Variants in PCDHA2 observed in about 807,000 individuals in gnomAD.
PCDHA2 encodes protocadherin alpha-2.
Under a neutral mutation model 66.0 loss-of-function variants are expected in PCDHA2, and 58 were observed. That is an observed-to-expected ratio of 0.88 (90% CI 0.71 to 1.09). The LOEUF is 1.09. PCDHA2 is among the 50% of genes least tolerant of loss of function. The pLI, the probability that PCDHA2 is intolerant of heterozygous loss-of-function variation, is 0.00. For missense variants in PCDHA2, 1,267 were observed against 1,242.3 expected (o/e 1.02, Z -0.30); for synonymous variants, 634 against 554.0 (o/e 1.14, Z -2.03).
In PCDHA2 at chr5:140,843,766, GT is replaced by G. The variant is rs2150366471; in HGVS notation, c.2388+46416del. ...ATAAATTCTATTTGTGGAAATTGTA[GT>G]TACTTTAAAAGTGTTTCAGATTTAG... On this transcript the variant is annotated intron_variant, in intron 1 of 3. Coordinates refer to ENST00000526136, the MANE Select transcript of PCDHA2 (RefSeq NM_018905.3). 2.9e-5 allele frequency: 43 copies of G among 1,487,836 alleles called. 4 individuals carry two copies. Among genetic ancestry groups the G allele is most frequent in the Non-Finnish European group, 3.7e-5 (40 of 1,082,784 alleles). 92.2% of individuals were successfully genotyped at this position (1,487,836 alleles called of 1,614,324 possible). A position where few individuals can be genotyped will look rare whatever the true frequency, so the allele number is the denominator to read the frequency against.
intron 1 of PCDHA2, chr5:140,871,675 T>C (rs1474564343): frequency 8.8e-7 from 1 of 1,142,376 alleles, no homozygotes; most frequent in African/African-American, 1.6e-5. Flanking sequence ...CTTTTAATCA[T>C]ATGAATAATC....
At chr5:140,890,923 C>T (rs535912661) in intron 1 of PCDHA2, among the ~76,000 whole-genome samples, 1 of 152,202 alleles carries the variant, frequency 6.6e-6, no homozygotes, top group East Asian at 1.9e-4. Context: ...TTGAGAGTTT[C>T]CTTTAGTCCA....
intron 1 of PCDHA2, among the ~76,000 whole-genome samples, chr5:140,913,558 G>C (rs1042223174): frequency 2.6e-5 from 4 of 151,668 alleles, no homozygotes; most frequent in African/African-American, 4.8e-5. Flanking sequence ...TTGATCTCTT[G>C]TATTTTCATC....
intron 1 of PCDHA2, chr5:140,859,356 A>C (rs1159666697): frequency 7.9e-6 from 2 of 251,624 alleles, no homozygotes; most frequent in Admixed American, 9.1e-5. Flanking sequence ...TACTGATCTG[A>C]TATATTGTAT....
intron 1 of PCDHA2, chr5:140,876,681 T>C: frequency 2.5e-6 from 4 of 1,614,180 alleles, no homozygotes; most frequent in South Asian, 1.1e-5. Flanking sequence ...CCTACAAGAA[T>C]TACTACTCGT....
At chr5:140,882,131 C>A (rs1236835670) in intron 1 of PCDHA2, 2 of 1,475,734 alleles carry the variant, frequency 1.4e-6, no homozygotes, top group South Asian at 1.4e-5. Context: ...TTTCTTCCTG[C>A]AGAAAATATA....
intron 1 of PCDHA2, chr5:140,969,495 C>G: frequency 7.0e-7 from 1 of 1,437,888 alleles, no homozygotes; most frequent in Non-Finnish European, 9.2e-7. Context: ...TATTTCCTCT[C>G]TAGAAAAATA....
At chr5:140,829,989 C>T (rs2150179119) in intron 1 of PCDHA2, 11 of 1,613,848 alleles carry the variant, frequency 6.8e-6, no homozygotes, top group Non-Finnish European at 9.3e-6. Context: ...GAGATCAGCA[C>T]CACTCGTGTC....
At chr5:140,889,257 A>G (rs946372435) in intron 1 of PCDHA2, among the ~76,000 whole-genome samples, 1 of 151,854 alleles carries the variant, frequency 6.6e-6, no homozygotes, top group Non-Finnish European at 1.5e-5. Flanking sequence ...TTTCCTGTAA[A>G]AGTTTGTATA....
chr5:140,826,336 T>C (rs1768901629), intron 1 of PCDHA2, among the ~76,000 whole-genome samples: 1 of 152,166 alleles, frequency 6.6e-6, no homozygotes, highest in African/African-American at 2.4e-5. Flanking sequence ...GTTAAGAAAT[T>C]GAACCCTTTG....
At position 140,853,168 on chromosome 5, in the gene PCDHA2, C is replaced by T. The variant is rs2150529261; in HGVS notation, c.2388+55816C>T. 37 of 960,760 alleles carry T rather than the reference C, an allele frequency of 3.9e-5. 1 individual carries two copies. Among genetic ancestry groups the T allele is most frequent in the Admixed American group, 1.3e-4 (2 of 15,838 alleles). 59.5% of individuals were successfully genotyped at this position (960,760 alleles called of 1,614,324 possible). On this transcript the variant is annotated intron_variant, in intron 1 of 3. Transcript: ENST00000526136. ...TGCTGGGATTACAGGCGTGAGCCAC[C>T]GCGCCTGGCCTAAAATGTGTTCTTT... is the stretch of plus-strand genomic sequence containing the variant.
chr5:140,929,118 A>T, intron 1 of PCDHA2: 2 of 1,614,150 alleles, frequency 1.2e-6, no homozygotes, highest in Non-Finnish European at 1.7e-6. Context: ...CAGCCACCAT[A>T]GATGTCACTA....
intron 1 of PCDHA2, among the ~76,000 whole-genome samples, chr5:140,902,447 G>A (rs1004773008): frequency 2.6e-5 from 4 of 152,024 alleles, no homozygotes; most frequent in Non-Finnish European, 4.4e-5. Flanking sequence ...TCATATTCTA[G>A]ATCCTAGAGA....
intron 1 of PCDHA2, among the ~76,000 whole-genome samples, chr5:140,890,775 C>T (rs1583027889): frequency 1.3e-5 from 2 of 152,158 alleles, no homozygotes; most frequent in East Asian, 3.9e-4. Context: ...TTTAAAACCC[C>T]ATAAGATATT....
intron 1 of PCDHA2, chr5:140,808,965 A>C (rs1554124924): frequency 1.9e-6 from 3 of 1,613,528 alleles, no homozygotes; most frequent in Admixed American, 1.7e-5. Flanking sequence ...GTGGTGGCAA[A>C]GGTGCGCGCG....
intron 1 of PCDHA2, chr5:140,802,605 C>T (rs782236184): frequency 6.2e-7 from 1 of 1,614,074 alleles, no homozygotes; most frequent in Non-Finnish European, 8.5e-7. Context: ...GAACAACCCG[C>T]CGGGCTGCCA....
In PCDHA2 at chr5:140,882,349, T is replaced by G. The variant is rs782020720; in HGVS notation, c.2388+84997T>G. On this transcript the variant is annotated intron_variant, in intron 1 of 3. Transcript: ENST00000526136. ...TGATCCTCGCAGCCTGGGAGACGGG[T>G]AGTGGCCAGCTCCACTACTCCGTCC... 9 of 1,613,872 alleles carry G rather than the reference T, an allele frequency of 5.6e-6. No individual in the cohort carries two copies. The Admixed American group carries it at 1.3e-4, about 24-fold the overall frequency.
At position 140,795,049 on chromosome 5, in the gene PCDHA2, G is replaced by C. The variant is rs782259873; in HGVS notation, c.85G>C (p.Gly29Arg). The C allele has an allele frequency of 1.2e-6, 2 of 1,613,744 alleles. No individual in the cohort carries two copies. The highest frequency in any genetic ancestry group is 1.7e-6 in the Non-Finnish European group (2 of 1,180,022). Residue 29 changes from glycine (G) to arginine (R), a missense_variant, in exon 1 of 4, where the codon GGC becomes CGC. By Grantham distance (125) the Gly-to-Arg change is moderately radical. Coordinates refer to ENST00000526136, the MANE Select transcript of PCDHA2 (RefSeq NM_018905.3). ...LLLAAWEVGS[G>R]QLRYSVPEEA... The stretch of plus-strand genomic sequence containing the variant: ...CCTCGCAGCCTGGGAGGTGGGGAGC[G>C]GCCAGCTCCGCTACTCCGTCCCCGA...
chr5:140,842,877 C>G (rs782040771), intron 1 of PCDHA2: 5 of 1,593,864 alleles, frequency 3.1e-6, no homozygotes, highest in Non-Finnish European at 4.3e-6. Flanking sequence ...AAGGTGTACG[C>G]GCTGCAGCCG....
Sources: allele counts gnomAD v4.1 joint callset (sites outside exome capture counted in the v4.1 genomes callset), GRCh38; gene constraint gnomAD v4.1.1; transcripts MANE v1.5; gene names NCBI Gene and HGNC (gene_info 2026-07-23, HGNC 2026-07-21).